Variants in SLIT1 observed in about 807,000 individuals in gnomAD.
SLIT1 encodes the protein slit homolog 1 protein.
SLIT1 carries 66 observed loss-of-function variants against 186.1 expected under a neutral mutation model. The observed-to-expected ratio is 0.35, with a 90% CI of 0.29 to 0.44. SLIT1 has a LOEUF of 0.44. Ranked by LOEUF, SLIT1 falls within the 20% of genes least tolerant of loss-of-function variation. SLIT1 has a pLI of 1.00. For missense variants in SLIT1, 1,638 were observed against 2,037.4 expected, an observed-to-expected ratio of 0.80 and a Z score of 3.77; for synonymous variants, 761 against 833.8, an observed-to-expected ratio of 0.91 and a Z score of 1.50.
intron 18 of SLIT1, among the ~76,000 whole-genome samples, chr10:97,046,111 T>G (rs939187631): frequency 6.6e-6 from 1 of 152,172 alleles, no homozygotes; most frequent in Admixed American, 6.5e-5. Flanking sequence ...CAGGATCATC[T>G]GAAGAGCCAG....
chr10:97,002,981 C>G lies in SLIT1; in HGVS notation c.3877G>C (p.Asp1293His). 6.2e-7 allele frequency: 1 copy of G among 1,613,282 alleles called. No homozygotes were observed. Among genetic ancestry groups the G allele is most frequent in the African/African-American group, 1.3e-5 (1 of 75,064 alleles). Residue 1293 changes from aspartate (D) to histidine (H), a missense_variant, in exon 35 of 37, where the codon GAT (aspartate) becomes CAT (histidine). Coordinates refer to ENST00000266058, the MANE Select transcript of SLIT1 (RefSeq NM_003061.3). The stretch of plus-strand genomic sequence containing the variant: ...AGGCGGAAGGCAGCTGAGTTGACAT[C>G]CACGGGCATCCCTGGGGTAGGGGAG... Reference protein sequence around the residue: ...APLYVGGMPVDVNSAAFRLWQ... With the variant: ...APLYVGGMPVHVNSAAFRLWQ...
rs1765972603 is a variant in SLIT1, at chr10:97,007,698, C to G, written c.3342-978G>C. On this transcript the variant is annotated intron_variant, in intron 31 of 36. Transcript: ENST00000266058. ...GATGAAAAAGCAAAAAAAAAAAGTT[C>G]ATCTCAATAGATGCAGAAAAAGCAT... 2.0e-5 allele frequency among the ~76,000 whole-genome samples: 3 copies of G among 151,868 alleles called. No homozygotes were observed. In the South Asian group the frequency reaches 6.2e-4, roughly 32 times the overall value.
chr10:97,161,399 T>G (rs769428031), intron 3 of SLIT1, among the ~76,000 whole-genome samples: 2 of 152,248 alleles, frequency 1.3e-5, no homozygotes, highest in Non-Finnish European at 2.9e-5. Flanking sequence ...AAAGAAAGAT[T>G]GCCTTGCTTT....
In SLIT1 at chr10:97,185,773, C is replaced by A; in HGVS notation, c.-99G>T. ...AGGTGCAGTCCCGGGGCAGAGCCACCGAAGAGCCCGCGGGCTTGCGCGCGG... is the reference window on the plus strand; with the variant it reads ...AGGTGCAGTCCCGGGGCAGAGCCACAGAAGAGCCCGCGGGCTTGCGCGCGG... On this transcript the variant is annotated 5_prime_UTR_variant, in exon 1 of 37. Coordinates refer to ENST00000266058, the MANE Select transcript of SLIT1 (RefSeq NM_003061.3). The A allele has an allele frequency of 9.1e-7, 1 of 1,093,406 alleles. No individual in the cohort carries two copies. The highest frequency in any genetic ancestry group is 1.2e-6 in the Non-Finnish European group (1 of 818,250). 67.7% of individuals were successfully genotyped at this position (1,093,406 alleles called of 1,614,324 possible). A position where few individuals can be genotyped will look rare whatever the true frequency, so the allele number is the denominator to read the frequency against.
intron 3 of SLIT1, among the ~76,000 whole-genome samples, chr10:97,160,957 G>A (rs956818474): frequency 6.6e-6 from 1 of 152,180 alleles, no homozygotes; most frequent in Non-Finnish European, 1.5e-5. Flanking sequence ...CTGACCTCAA[G>A]TGATCCACCC....
At chr10:97,140,219 A>G (rs1849744080) in intron 4 of SLIT1, among the ~76,000 whole-genome samples, 1 of 152,034 alleles carries the variant, frequency 6.6e-6, no homozygotes, top group Non-Finnish European at 1.5e-5. Context: ...TCCTCGTACC[A>G]GCTTTTCCCA....
At chr10:97,170,868 A>T (rs567907273) in intron 1 of SLIT1, among the ~76,000 whole-genome samples, 6 of 152,192 alleles carry the variant, frequency 3.9e-5, no homozygotes, top group South Asian at 2.1e-4. Context: ...AAACCCTGGG[A>T]TTTCCCGGGG....
Position 97,064,798 on chromosome 10 carries a change from T to TACTTACAGC in SLIT1, c.555_557+6dup. Reference sequence around the variant, plus strand: ...CACCCCTCCTTCCTTTTCCATGCTTTACTTACAGCACCTCCAGCCCCCGCA... The same window carrying TACTTACAGC: ...CACCCCTCCTTCCTTTTCCATGCTTTACTTACAGCACTTACAGCACCTCCAGCCCCCGCA... On this transcript the variant is annotated splice_region_variant and intron_variant, in intron 6 of 36. Coordinates refer to ENST00000266058, the MANE Select transcript of SLIT1 (RefSeq NM_003061.3). 1 of 1,603,400 alleles carries TACTTACAGC rather than the reference T, an allele frequency of 6.2e-7. No individual in the cohort carries two copies. Among genetic ancestry groups the TACTTACAGC allele is most frequent in the Non-Finnish European group, 8.5e-7 (1 of 1,174,346 alleles).
At chr10:97,175,660 T>G (rs1352910324) in intron 1 of SLIT1, among the ~76,000 whole-genome samples, 1 of 152,138 alleles carries the variant, frequency 6.6e-6, no homozygotes, top group Non-Finnish European at 1.5e-5. Context: ...GTCCCTTCAC[T>G]TCTGAGGCCC....
intron 4 of SLIT1, among the ~76,000 whole-genome samples, chr10:97,122,850 G>A (rs923168553): frequency 1.3e-5 from 2 of 151,996 alleles, no homozygotes; most frequent in South Asian, 2.1e-4. Context: ...TCTTCAGACA[G>A]ACTCCAAGTT....
At chr10:97,175,107 T>C (rs2134741110) in intron 1 of SLIT1, among the ~76,000 whole-genome samples, 1 of 152,342 alleles carries the variant, frequency 6.6e-6, no homozygotes, top group African/African-American at 2.4e-5. Context: ...TGAATGTGAC[T>C]CCTCTGGGTA....
intron 8 of SLIT1, among the ~76,000 whole-genome samples, chr10:97,061,805 C>T (rs1848896005): frequency 6.6e-6 from 1 of 152,298 alleles, no homozygotes; most frequent in South Asian, 2.1e-4. Flanking sequence ...ACAGGGTGGA[C>T]AGATGTTGAG....
chr10:97,141,374 T>C (rs1849756162), intron 4 of SLIT1, among the ~76,000 whole-genome samples: 1 of 152,218 alleles, frequency 6.6e-6, no homozygotes, highest in African/African-American at 2.4e-5. Context: ...CATTTTCTTT[T>C]CATCGCACCA....
chr10:97,164,739 TA>T, intron 2 of SLIT1, 79 bp downstream of exon 2: 1 of 1,086,502 alleles, frequency 9.2e-7, no homozygotes, highest in Non-Finnish European at 1.4e-6. Context: ...CCCACCACCC[TA>T]CCACCCACAG....
intron 4 of SLIT1, among the ~76,000 whole-genome samples, chr10:97,143,273 T>A (rs1849783910): frequency 6.6e-6 from 1 of 152,206 alleles, no homozygotes; most frequent in Admixed American, 6.5e-5. Flanking sequence ...ATGTGGGGTA[T>A]ACATATAATG....
intron 20 of SLIT1, among the ~76,000 whole-genome samples, chr10:97,041,195 T>C (rs1401199521): frequency 1.3e-5 from 2 of 152,192 alleles, no homozygotes; most frequent in African/African-American, 2.4e-5. Flanking sequence ...GTAGGGAGCA[T>C]CTACGAGGGT....
chr10:97,164,100 A>G (rs1398493480), intron 2 of SLIT1, among the ~76,000 whole-genome samples: 1 of 152,320 alleles, frequency 6.6e-6, no homozygotes, highest in African/African-American at 2.4e-5. Context: ...CTCACCGCCA[A>G]CGTGCCCTGA....
chr10:97,047,825 T>G lies in SLIT1; in HGVS notation c.1499A>C (p.Asp500Ala). 3 of 1,613,804 alleles carry G rather than the reference T, an allele frequency of 1.9e-6. No individual in the cohort carries two copies. Among genetic ancestry groups the G allele is most frequent in the Non-Finnish European group, 2.5e-6 (3 of 1,179,880 alleles). The change falls in exon 16 of 37, where the codon GAT becomes GCT. Residue 500 changes from aspartate (D) to alanine (A), a missense_variant. By Grantham distance (126) the Asp-to-Ala change is moderately radical. Around this residue, in one of 3 missense-constraint regions of SLIT1, gnomAD observed 1,245 missense variants for 1,535.3 expected, o/e 0.81. Transcript: ENST00000266058. ...KEQYFIPGTE[D>A]YQLNSECNSD... ...GTTGCACTCGCTGTTCAGCTGGTAATCCTCCGTGCCTGCCATGAGAGGGTG... is the reference window on the plus strand; with the variant it reads ...GTTGCACTCGCTGTTCAGCTGGTAAGCCTCCGTGCCTGCCATGAGAGGGTG...
intron 28 of SLIT1, among the ~76,000 whole-genome samples, chr10:97,018,331 G>A (rs997151278): frequency 5.9e-5 from 9 of 152,252 alleles, no homozygotes; most frequent in African/African-American, 2.2e-4. Context: ...CCCTGGAGCT[G>A]GGGAGCTGTG....
Sources: allele counts gnomAD v4.1 joint callset (sites outside exome capture counted in the v4.1 genomes callset), GRCh38; gene constraint gnomAD v4.1.1; regional missense constraint gnomAD v4.1.1; transcripts MANE v1.5; gene names NCBI Gene and HGNC (gene_info 2026-07-23, HGNC 2026-07-21).